The following S100A4 variants were observed in gnomAD, a reference collection of about 807,000 sequenced individuals.
S100A4 encodes the protein S100 calcium binding protein A4.
S100A4 carries 4 observed loss-of-function variants against 6.3 expected under a neutral mutation model. The observed-to-expected ratio is 0.64, with a 90% CI of 0.31 to 1.46. The LOEUF (loss-of-function observed/expected upper bound fraction) is 1.46. Among genes scored for constraint, S100A4 ranks in the 40% most tolerant of loss-of-function variants. The probability of loss-of-function intolerance (pLI) is 0.07; values close to 1 mark genes in which losing one functional copy is unlikely to be tolerated. For missense variants in S100A4, 108 were observed against 120.8 expected (o/e 0.89, Z 0.50); for synonymous variants, 44 against 47.6 (o/e 0.92, Z 0.32).
At chr1:153,544,153 G>T (rs1665480101) in intron 2 of S100A4, among the ~76,000 whole-genome samples, 1 of 152,170 alleles carries the variant, frequency 6.6e-6, no homozygotes, top group African/African-American at 2.4e-5. Flanking sequence ...TTCACCCAAG[G>T]TTGTTCTAAT....
Position 153,545,762 on chromosome 1 carries a change from AAAG to A in S100A4, c.-28_-26del, listed in dbSNP as rs1192216077. The A allele has an allele frequency of 1.1e-4, 17 of 153,082 alleles. No homozygotes were observed. Among genetic ancestry groups the A allele is most frequent in the African/African-American group, 4.1e-4 (17 of 41,578 alleles). The allele number at this position is 153,082 out of a possible 1,614,324, so 9.5% of individuals were successfully genotyped here. On this transcript the variant is annotated 5_prime_UTR_variant, in exon 1 of 3. Transcript: ENST00000368716. ...GGCCAACACAACTCACCAAACCAAG[AAAG>A]AAGAAGCGCTGAGGAGAGAGGGTTG...
intron 2 of S100A4, 31 bp from the exon 3 acceptor site, chr1:153,543,954 CAGA>C: frequency 6.2e-7 from 1 of 1,611,544 alleles, no homozygotes; most frequent in South Asian, 1.1e-5. Context: ...AGATAGAAAA[CAGA>C]AGCCCAGTGG....
Position 153,544,786 on chromosome 1 carries a change from G to A in S100A4, c.9C>T (p.Cys3=). MA[C]PLEKALDVMV... is the part of the protein sequence containing the mutation. ...TCACATCCAGGGCCTTCTCCAGAGG[G>A]CACGCCATGACAGCAGTCAGGATCT... The change falls in exon 2 of 3, where the codon TGC becomes TGT. Residue 3 remains cysteine (C), a synonymous_variant. Transcript: ENST00000368716. 1 of 1,614,186 alleles carries A rather than the reference G, an allele frequency of 6.2e-7. No individual in the cohort carries two copies. Among genetic ancestry groups the A allele is most frequent in the Non-Finnish European group, 8.5e-7 (1 of 1,180,010 alleles).
chr1:153,544,632 C>T (rs1665500158), intron 2 of S100A4, 22 bp downstream of exon 2: 8 of 1,613,920 alleles, frequency 5.0e-6, no homozygotes, highest in Non-Finnish European at 6.8e-6. Flanking sequence ...CGTGGGGACT[C>T]ACTCAGGCAC....
intron 1 of S100A4, 124 bp from the exon 2 acceptor site, chr1:153,544,933 A>G: frequency 2.4e-6 from 3 of 1,253,846 alleles, no homozygotes; most frequent in Non-Finnish European, 3.3e-6. Flanking sequence ...TCCCTGGGGG[A>G]GCCCAGAGCA....
chr1:153,545,550 T>G (rs1011832603), intron 1 of S100A4: 2 of 152,396 alleles, frequency 1.3e-5, no homozygotes, highest in African/African-American at 2.4e-5. Flanking sequence ...ACTTGCTCAC[T>G]TTTCTGTTTG....
chr1:153,545,407 T>G (rs1665530785), intron 1 of S100A4: 1 of 154,982 alleles, frequency 6.5e-6, no homozygotes, highest in Non-Finnish European at 1.4e-5. Flanking sequence ...CTTTGCTTCC[T>G]GCTCCCGAGT....
At chr1:153,544,625 G>A in intron 2 of S100A4, 29 bp downstream of exon 2, 1 of 1,613,714 alleles carries the variant, frequency 6.2e-7, no homozygotes, top group African/African-American at 1.3e-5. Context: ...TGCCCCACGT[G>A]GGGACTCACT....
At chr1:153,544,257 G>T (rs79399329) in intron 2 of S100A4, among the ~76,000 whole-genome samples, 2 of 152,154 alleles carry the variant, frequency 1.3e-5, no homozygotes, top group Non-Finnish European at 2.9e-5. Flanking sequence ...GGGAACGTCT[G>T]CAGGCCTGTG....
rs182869270 is a variant in S100A4, at chr1:153,545,031, C to T, written c.-15-222G>A. 62 of 515,064 alleles carry T rather than the reference C, an allele frequency of 1.2e-4. No individual in the cohort carries two copies. In the Admixed American group the frequency reaches 1.6e-3, roughly 13 times the overall value. The allele number at this position is 515,064 out of a possible 1,614,324, so 31.9% of individuals were successfully genotyped here. A position where few individuals can be genotyped will look rare whatever the true frequency, so the allele number is the denominator to read the frequency against. On this transcript the variant is annotated intron_variant, in intron 1 of 2. Coordinates refer to ENST00000368716, the MANE Select transcript of S100A4 (RefSeq NM_002961.3). ...ACATTTGCAAGATCCGCTGCGCAAG[C>T]TCTGGAGATTCGGGCAGCAAACTCC...
Position 153,543,704 on chromosome 1 carries a change from CT to C in S100A4, c.*54del. ...CAGGGTGGAAAAAAAAAAGTGCCCA[CT>C]GGCGACAGGGAGGGCCCCAGCTGGC... On this transcript the variant is annotated 3_prime_UTR_variant, in exon 3 of 3. Coordinates refer to ENST00000368716, the MANE Select transcript of S100A4 (RefSeq NM_002961.3). The C allele has an allele frequency of 6.4e-7, 1 of 1,564,866 alleles. No individual in the cohort carries two copies. Among genetic ancestry groups the C allele is most frequent in the East Asian group, 2.3e-5 (1 of 44,378 alleles).
rs1665508140 is a variant in S100A4, at chr1:153,544,802, G to T, written c.-8C>A. On this transcript the variant is annotated 5_prime_UTR_variant, in exon 2 of 3. In the 5' UTR this introduces an upstream ATG that the reference lacks. Transcript: ENST00000368716. ...CTCCAGAGGGCACGCCATGACAGCA[G>T]TCAGGATCTGGGAGCAGGAGGCACA... The T allele has an allele frequency of 6.2e-7, 1 of 1,614,048 alleles. No homozygotes were observed. Among genetic ancestry groups the T allele is most frequent in the Non-Finnish European group, 8.5e-7 (1 of 1,180,018 alleles).
At position 153,543,709 on chromosome 1, in the gene S100A4, G is replaced by A. The variant is rs143742855; in HGVS notation, c.*50C>T. ...TGGAAAAAAAAAAGTGCCCACTGGC[G>A]ACAGGGAGGGCCCCAGCTGGCAGAC... On this transcript the variant is annotated 3_prime_UTR_variant, in exon 3 of 3. Coordinates refer to ENST00000368716, the MANE Select transcript of S100A4 (RefSeq NM_002961.3). 6,166 of 1,573,198 alleles carry A rather than the reference G, an allele frequency of 3.9e-3. 71 individuals carry two copies. Among genetic ancestry groups the A allele is most frequent in the South Asian group, 0.025 (2,116 of 85,926 alleles).
intron 1 of S100A4, 90 bp from the exon 2 acceptor site, chr1:153,544,899 A>T (rs1486282354): frequency 1.3e-6 from 2 of 1,524,412 alleles, no homozygotes; most frequent in African/African-American, 1.4e-5. Context: ...TCCCTCCAGG[A>T]GCACTTGGCG....
chr1:153,544,345 A>C (rs953533213), intron 2 of S100A4, among the ~76,000 whole-genome samples: 2 of 152,226 alleles, frequency 1.3e-5, no homozygotes, highest in Admixed American at 6.5e-5. Context: ...AGTGATGGCA[A>C]GAGTCAGACA....
intron 1 of S100A4, 111 bp from the exon 2 acceptor site, chr1:153,544,920 C>G (rs1665512364): frequency 1.4e-6 from 2 of 1,412,984 alleles, no homozygotes; most frequent in Admixed American, 2.0e-5. Context: ...AGACTCTGCT[C>G]CCTCCCTGGG....
At chr1:153,544,429 C>G (rs1665491252) in intron 2 of S100A4, among the ~76,000 whole-genome samples, 1 of 152,180 alleles carries the variant, frequency 6.6e-6, no homozygotes, top group Non-Finnish European at 1.5e-5. Context: ...TTAGTCTTCC[C>G]TTCAGTTAAG....
At chr1:153,544,941 G>T in intron 1 of S100A4, 132 bp from the exon 2 acceptor site, 1 of 1,135,220 alleles carries the variant, frequency 8.8e-7, no homozygotes, top group Non-Finnish European at 1.2e-6. Flanking sequence ...GGAGCCCAGA[G>T]CAGTGGGCCC....
rs752566391 is a variant in S100A4 at position 153,544,676 on chromosome 1, C to T, written c.119G>A (p.Arg40Gln). Residue 40 changes from arginine to glutamine, a missense_variant, in exon 2 of 3, where the codon CGG becomes CAG. Coordinates refer to ENST00000368716, the MANE Select transcript of S100A4 (RefSeq NM_002961.3). ...NKSELKELLT[R>Q]ELPSFLGKRT... ...CACCCCCAAGAAGCTGGGCAGCTCC[C>T]GGGTCAGCAGCTCCTTTAGTTCTGA... is the stretch of plus-strand genomic sequence containing the variant. The T allele has an allele frequency of 6.2e-6, 10 of 1,614,224 alleles. No individual in the cohort carries two copies. Among genetic ancestry groups the T allele is most frequent in the Admixed American group, 3.3e-5 (2 of 60,026 alleles).
Sources: gnomAD v4.1 joint callset for allele counts (sites outside exome capture counted in the v4.1 genomes callset) on GRCh38, gnomAD v4.1.1 for gene constraint, MANE v1.5 for transcripts, NCBI Gene and HGNC (gene_info 2026-07-23, HGNC 2026-07-21) for gene names.